The following INKA2 variants were observed in gnomAD, a reference collection of about 807,000 sequenced individuals.
INKA2 encodes PAK4-inhibitor INKA2.
In INKA2, 3 loss-of-function variants were observed where a neutral mutation model predicts 9.8. The observed-to-expected ratio is 0.31, with a 90% CI of 0.14 to 0.79. INKA2 has a LOEUF of 0.79. Ranked by LOEUF, INKA2 falls within the 30% of genes least tolerant of loss-of-function variation. The pLI, the probability that INKA2 is intolerant of heterozygous loss-of-function variation, is 0.62. For synonymous variants in INKA2, 147 were observed against 143.3 expected, an observed-to-expected ratio of 1.03 and a Z score of -0.18; for missense variants, 392 against 384.4, an observed-to-expected ratio of 1.02 and a Z score of -0.17.
intron 1 of INKA2, among the ~76,000 whole-genome samples, chr1:111,749,445 T>TGC (rs71708729): frequency 0.025 from 2,846 of 113,918 alleles, 62 homozygotes; most frequent in African/African-American, 0.061. Flanking sequence ...TGTGTGTGTG[T>TGC]GCGCGCGCGC....
At chr1:111,739,472 G>A, upstream of INKA2, 1 of 1,389,838 alleles carries the variant, frequency 7.2e-7, no homozygotes, top group South Asian at 1.6e-5. Flanking sequence ...AGAATTCAGG[G>A]GGGCTGTCTT....
chr1:111,748,247 C>T (rs1250011769), intron 1 of INKA2, among the ~76,000 whole-genome samples: 4 of 152,200 alleles, frequency 2.6e-5, no homozygotes, highest in African/African-American at 9.7e-5. Context: ...GGACTAAGTC[C>T]TAGGAAATTC....
At chr1:111,752,575 G>A (rs1318873868) in intron 1 of INKA2, among the ~76,000 whole-genome samples, 2 of 152,158 alleles carry the variant, frequency 1.3e-5, no homozygotes, top group African/African-American at 4.8e-5. Flanking sequence ...AGGGTCAAAT[G>A]AGAAAAAGTG....
intron 1 of INKA2, among the ~76,000 whole-genome samples, chr1:111,750,863 C>T (rs1169351268): frequency 1.3e-5 from 2 of 152,216 alleles, no homozygotes; most frequent in Non-Finnish European, 2.9e-5. Flanking sequence ...TAATATAGGG[C>T]CAGTATATCT....
At position 111,727,932 on chromosome 1, in the gene INKA2, T is replaced by C. The variant is rs2101356867; in HGVS notation, c.58-128A>G. The stretch of plus-strand genomic sequence containing the variant: ...GTCATCCAGCCTGCCACCAGCCCCA[T>C]CTCTCTATAGCCTAGTGCAGTGCAG... On this transcript the variant is annotated intron_variant, in intron 1 of 1. Coordinates refer to ENST00000357260, the MANE Select transcript of INKA2 (RefSeq NM_019099.5). The C allele has an allele frequency of 3.6e-6, 3 of 842,234 alleles. No homozygotes were observed. In the South Asian group the frequency reaches 4.3e-5, roughly 12 times the overall value. The allele number at this position is 842,234 out of a possible 1,614,324, so 52.2% of individuals were successfully genotyped here.
chr1:111,729,768 G>A (rs1662864107), intron 1 of INKA2, among the ~76,000 whole-genome samples: 2 of 152,230 alleles, frequency 1.3e-5, no homozygotes, highest in South Asian at 4.1e-4. Flanking sequence ...GGCTCTGCAG[G>A]GCTGGGCTGC....
rs1435377358 is a variant in INKA2 at position 111,724,950 on chromosome 1, T to G, written c.*2018A>C. 6.6e-6 allele frequency: 1 copy of G among 152,214 alleles called. No homozygotes were observed. The allele number at this position is 152,214 out of a possible 1,614,324, so 9.4% of individuals were successfully genotyped here. ...AGGGTCCTTCTAAGTTTGAGAGATG[T>G]GCACATTACCTGACAGACAGTGAGT... On this transcript the variant is annotated 3_prime_UTR_variant, in exon 2 of 2. Coordinates refer to ENST00000357260, the MANE Select transcript of INKA2 (RefSeq NM_019099.5).
At chr1:111,739,414 C>A (rs1663090989), upstream of INKA2, 10 of 1,465,500 alleles carry the variant, frequency 6.8e-6, no homozygotes, top group Admixed American at 2.7e-5. Context: ...AGCGGCTAGC[C>A]GCGCGCGGTC....
intron 1 of INKA2, 52 bp downstream of exon 1, chr1:111,739,134 G>A: frequency 1.9e-6 from 3 of 1,562,454 alleles, no homozygotes; most frequent in Non-Finnish European, 1.8e-6. Flanking sequence ...GAGACCAGGT[G>A]CCCGTCGGGG....
intron 1 of INKA2, among the ~76,000 whole-genome samples, chr1:111,730,486 T>C (rs1178728771): frequency 6.6e-6 from 1 of 152,150 alleles, no homozygotes; most frequent in Non-Finnish European, 1.5e-5. Context: ...GAGCACCTGA[T>C]CAGTCTTCCC....
rs1662739317 is a variant in INKA2, at chr1:111,725,161, G to A, written c.*1807C>T. ...CTCTCCCCAGGGATCCAGGAAGCAA[G>A]CAGAAGAGCCTTTTCTTACTATTTT... is the stretch of plus-strand genomic sequence containing the variant. On this transcript the variant is annotated 3_prime_UTR_variant, in exon 2 of 2. Transcript: ENST00000357260. 1 of 152,174 alleles carries A rather than the reference G, an allele frequency of 6.6e-6. No individual in the cohort carries two copies. Among genetic ancestry groups the A allele is most frequent in the Non-Finnish European group, 1.5e-5 (1 of 68,098 alleles). The allele number at this position is 152,174 out of a possible 1,614,324, so 9.4% of individuals were successfully genotyped here.
At position 111,739,323 on chromosome 1, in the gene INKA2, G is replaced by A; in HGVS notation, c.-81C>T. On this transcript the variant is annotated 5_prime_UTR_variant, in exon 1 of 2. Coordinates refer to ENST00000357260, the MANE Select transcript of INKA2 (RefSeq NM_019099.5). ...CCACTGGAAACTGCGCTCCGGGCCG[G>A]CTCCCCGCCCCTGCGCCCGTAGCGC... 1 of 1,587,144 alleles carries A rather than the reference G, an allele frequency of 6.3e-7. No homozygotes were observed.
Position 111,725,954 on chromosome 1 carries a change from C to T in INKA2, c.*1014G>A. 1 of 391,910 alleles carries T rather than the reference C, an allele frequency of 2.6e-6. No homozygotes were observed. Among genetic ancestry groups the T allele is most frequent in the Non-Finnish European group, 4.5e-6 (1 of 222,044 alleles). The allele number at this position is 391,910 out of a possible 1,614,324, so 24.3% of individuals were successfully genotyped here. A position where few individuals can be genotyped will look rare whatever the true frequency, so the allele number is the denominator to read the frequency against. On this transcript the variant is annotated 3_prime_UTR_variant, in exon 2 of 2. Coordinates refer to ENST00000357260, the MANE Select transcript of INKA2 (RefSeq NM_019099.5). ...GTTTCACCATGTTGGCCAGGCTGGT[C>T]ATGAACTCCTGACCCCAGGTAATCC... is the stretch of plus-strand genomic sequence containing the variant.
At chr1:111,744,402 G>A (rs1467106304) in intron 1 of INKA2, 1 of 152,182 alleles carries the variant, frequency 6.6e-6, no homozygotes, top group Non-Finnish European at 1.5e-5. Flanking sequence ...AAAAAGGTTG[G>A]TCTGTATGGT....
chr1:111,739,530 G>T (rs1571596913), upstream of INKA2: 2 of 910,224 alleles, frequency 2.2e-6, no homozygotes, highest in South Asian at 1.9e-5. Context: ...CGGCCGAGGC[G>T]GACCCTACCG....
intron 1 of INKA2, among the ~76,000 whole-genome samples, chr1:111,744,965 T>A (rs915978515): frequency 6.6e-6 from 1 of 152,012 alleles, no homozygotes. Flanking sequence ...TGAAGGAAGG[T>A]GATAGAAGAA....
chr1:111,726,901 T>G lies in INKA2; in HGVS notation c.*67A>C, dbSNP rs764294512. 217 of 1,478,194 alleles carry G rather than the reference T, an allele frequency of 1.5e-4. No homozygotes were observed. Among genetic ancestry groups the G allele is most frequent in the Non-Finnish European group, 7.0e-5 (76 of 1,087,490 alleles). 91.6% of individuals were successfully genotyped at this position (1,478,194 alleles called of 1,614,324 possible). A position where few individuals can be genotyped will look rare whatever the true frequency, so the allele number is the denominator to read the frequency against. Reference sequence around the variant, plus strand: ...CGAGAGCCATACCGCCCACCCTCCCTCCTCCCCAGGGGCCCAGCACTGGGA... The same window carrying G: ...CGAGAGCCATACCGCCCACCCTCCCGCCTCCCCAGGGGCCCAGCACTGGGA... On this transcript the variant is annotated 3_prime_UTR_variant, in exon 2 of 2. Coordinates refer to ENST00000357260, the MANE Select transcript of INKA2 (RefSeq NM_019099.5).
chr1:111,750,088 A>G (rs1197374988), intron 1 of INKA2, among the ~76,000 whole-genome samples: 1 of 152,224 alleles, frequency 6.6e-6, no homozygotes, highest in African/African-American at 2.4e-5. Context: ...AAGAGCAAAC[A>G]CGCCACCTTC....
chr1:111,745,910 G>C (rs1663265097), intron 1 of INKA2: 1 of 152,234 alleles, frequency 6.6e-6, no homozygotes, highest in Non-Finnish European at 1.5e-5. Context: ...TTGCCAGGGA[G>C]AGACATATTA....
Sources: gnomAD v4.1 joint callset for allele counts (sites outside exome capture counted in the v4.1 genomes callset) on GRCh38, gnomAD v4.1.1 for gene constraint, MANE v1.5 for transcripts, NCBI Gene and HGNC (gene_info 2026-07-23, HGNC 2026-07-21) for gene names.